The following PCSK5 variants were observed in gnomAD, a reference collection of about 807,000 sequenced individuals.
PCSK5 encodes the protein proprotein convertase subtilisin/kexin type 5.
Under a neutral mutation model 233.2 loss-of-function variants are expected in PCSK5, and 129 were observed. That is an observed-to-expected ratio of 0.55 (90% CI 0.48 to 0.64). The LOEUF (loss-of-function observed/expected upper bound fraction) is 0.64, where lower values mean the gene tolerates loss of function less well. Ranked by LOEUF, PCSK5 falls within the 30% of genes least tolerant of loss-of-function variation. The pLI, the probability that PCSK5 is intolerant of heterozygous loss-of-function variation, is 0.00. For missense variants in PCSK5, 2,076 were observed against 2,430.1 expected, an observed-to-expected ratio of 0.85 and a Z score of 3.06; for synonymous variants, 825 against 879.2, an observed-to-expected ratio of 0.94 and a Z score of 1.09.
At chr9:76,150,319 G>A (rs1823617520) in intron 10 of PCSK5, among the ~76,000 whole-genome samples, 1 of 152,044 alleles carries the variant, frequency 6.6e-6, no homozygotes, top group African/African-American at 2.4e-5. Flanking sequence ...GAGATTTTAG[G>A]AAGAGCAAAG....
rs1262569764 is a variant in PCSK5 at position 76,351,936 on chromosome 9, G to A, written c.5067+1008G>A. The stretch of plus-strand genomic sequence containing the variant: ...TAGCCTTTGGGTTGGGGGTTCCCTC[G>A]CTATTGTCACTTCTGTGGTCACCAG... On this transcript the variant is annotated intron_variant, in intron 36 of 37. Transcript: ENST00000674117. Among the ~76,000 whole-genome samples, 4 of 151,962 alleles carry A rather than the reference G, an allele frequency of 2.6e-5. No individual in the cohort carries two copies. In the South Asian group the frequency reaches 6.2e-4, roughly 24 times the overall value.
rs891986490 is a variant in PCSK5 at position 76,360,961 on chromosome 9, G to C, written c.*2039G>C. On this transcript the variant is annotated 3_prime_UTR_variant, in exon 38 of 38. Coordinates refer to ENST00000674117, the MANE Select transcript of PCSK5 (RefSeq NM_001372043.1). Reference sequence around the variant, plus strand: ...GTGGTGGGTCAGATTTGGCCAACAGGCTGTACTTTGCTGACTTTATCTTTA... The same window carrying C: ...GTGGTGGGTCAGATTTGGCCAACAGCCTGTACTTTGCTGACTTTATCTTTA... The C allele has an allele frequency of 6.6e-6, 1 of 152,006 alleles. No homozygotes were observed. The highest frequency in any genetic ancestry group is 1.5e-5 in the Non-Finnish European group (1 of 68,012). The allele number at this position is 152,006 out of a possible 1,614,324, so 9.4% of individuals were successfully genotyped here.
intron 17 of PCSK5, among the ~76,000 whole-genome samples, chr9:76,188,029 T>C (rs1340847418): frequency 6.6e-6 from 1 of 152,162 alleles, no homozygotes; most frequent in Non-Finnish European, 1.5e-5. Context: ...TGAGAACCTA[T>C]AGAAGACTAA....
intron 20 of PCSK5, among the ~76,000 whole-genome samples, chr9:76,201,308 G>A (rs1441265126): frequency 1.3e-5 from 2 of 152,118 alleles, no homozygotes; most frequent in East Asian, 3.8e-4. Context: ...CCCCATATGC[G>A]GAGTACTTCC....
At chr9:75,902,391 G>A (rs1826083277) in intron 1 of PCSK5, among the ~76,000 whole-genome samples, 1 of 152,030 alleles carries the variant, frequency 6.6e-6, no homozygotes, top group Non-Finnish European at 1.5e-5. Context: ...AGGTGGTGGG[G>A]CCAAAATAGG....
At chr9:76,192,722 A>AGAATGTTACATAAGTAT (rs1824464476) in intron 20 of PCSK5, among the ~76,000 whole-genome samples, 1 of 152,186 alleles carries the variant, frequency 6.6e-6, no homozygotes. Context: ...GAAACAAAAC[A>AGAATGTTACATAAGTAT]GAATGTTACA....
rs553159453 is a variant in PCSK5 at position 76,003,359 on chromosome 9, C to T, written c.411+17114C>T. Among the ~76,000 whole-genome samples the T allele has an allele frequency of 3.3e-5, 5 of 152,140 alleles. No individual in the cohort carries two copies. The East Asian group carries it at 7.7e-4, about 24-fold the overall frequency. On this transcript the variant is annotated intron_variant, in intron 3 of 37. Coordinates refer to ENST00000674117, the MANE Select transcript of PCSK5 (RefSeq NM_001372043.1). Reference sequence around the variant, plus strand: ...CTACACTCCAGCCTGGGCAATAGAGCGAGACCCTGTCTCAAAGAAATAAAA... The same window carrying T: ...CTACACTCCAGCCTGGGCAATAGAGTGAGACCCTGTCTCAAAGAAATAAAA...
chr9:76,293,199 A>G (rs1469688115), intron 25 of PCSK5, among the ~76,000 whole-genome samples: 2 of 152,212 alleles, frequency 1.3e-5, no homozygotes, highest in Admixed American at 1.3e-4. Flanking sequence ...TGGTGACAAG[A>G]GAAGGCGACC....
chr9:76,272,891 C>T (rs1452635153), intron 24 of PCSK5, among the ~76,000 whole-genome samples: 2 of 150,920 alleles, frequency 1.3e-5, no homozygotes, highest in Admixed American at 6.6e-5. Context: ...CCTGCCTCTT[C>T]TTGCTTCTCC....
intron 2 of PCSK5, among the ~76,000 whole-genome samples, chr9:75,959,870 A>G (rs1015309922): frequency 6.6e-6 from 1 of 152,240 alleles, no homozygotes; most frequent in African/African-American, 2.4e-5. Flanking sequence ...GCTTTATGGT[A>G]AAGACAATAG....
chr9:76,081,583 A>G (rs577694725), intron 7 of PCSK5, among the ~76,000 whole-genome samples: 24 of 152,346 alleles, frequency 1.6e-4, no homozygotes, highest in Non-Finnish European at 3.1e-4. Context: ...CTTTAACTAC[A>G]TAGAAGCTTT....
intron 20 of PCSK5, among the ~76,000 whole-genome samples, chr9:76,192,067 C>CAAAAAAAAAAAAAAAAAAAAA (rs5898457): frequency 9.9e-6 from 1 of 101,228 alleles, no homozygotes; most frequent in Non-Finnish European, 1.9e-5. Flanking sequence ...AAGACTGTCT[C>CAAAAAAAAAAAAAAAAAAAAA]AAAAAAAAAA....
intron 1 of PCSK5, among the ~76,000 whole-genome samples, chr9:75,909,908 GA>G (rs1210927002): frequency 6.6e-6 from 1 of 152,142 alleles, no homozygotes; most frequent in Non-Finnish European, 1.5e-5. Context: ...AATGTGAGCA[GA>G]AGTGACTCGT....
At chr9:75,942,574 C>T (rs115459593) in intron 2 of PCSK5, among the ~76,000 whole-genome samples, 1,588 of 152,206 alleles carry the variant, frequency 0.01, 25 homozygotes, top group African/African-American at 0.036. Context: ...AGTTGTGGAG[C>T]GAAGGCTGCC....
intron 4 of PCSK5, among the ~76,000 whole-genome samples, chr9:76,025,362 C>T (rs1216479740): frequency 6.6e-6 from 1 of 151,404 alleles, no homozygotes; most frequent in African/African-American, 2.4e-5. Context: ...GCCTGGAAAA[C>T]AGCAAGACCT....
chr9:76,247,211 A>T (rs1826638688), intron 24 of PCSK5, among the ~76,000 whole-genome samples: 1 of 152,242 alleles, frequency 6.6e-6, no homozygotes, highest in Non-Finnish European at 1.5e-5. Flanking sequence ...AGTCAGCGGC[A>T]GGTCTGTGAC....
chr9:76,356,267 CT>C, intron 37 of PCSK5, among the ~76,000 whole-genome samples: 1 of 152,224 alleles, frequency 6.6e-6, no homozygotes, highest in Non-Finnish European at 1.5e-5. Flanking sequence ...ATCTCGTCAG[CT>C]TTCCTGGTCC....
At chr9:76,260,613 T>C (rs1827140439) in intron 24 of PCSK5, among the ~76,000 whole-genome samples, 1 of 152,158 alleles carries the variant, frequency 6.6e-6, no homozygotes, top group South Asian at 2.1e-4. Context: ...ATCTCAGGCC[T>C]ACAACTGCAA....
At chr9:76,318,435 A>G (rs556279814) in intron 30 of PCSK5, among the ~76,000 whole-genome samples, 1 of 152,040 alleles carries the variant, frequency 6.6e-6, no homozygotes, top group Admixed American at 6.6e-5. Flanking sequence ...AAACCTGCAC[A>G]TTCTGCACAT....
Sources: allele counts gnomAD v4.1 joint callset (sites outside exome capture counted in the v4.1 genomes callset), GRCh38; gene constraint gnomAD v4.1.1; transcripts MANE v1.5; gene names NCBI Gene and HGNC (gene_info 2026-07-23, HGNC 2026-07-21).